FAM169A: variants seen among roughly 807,000 people sequenced by gnomAD.
FAM169A encodes the protein soluble lamin-associated protein of 75 kDa.
A neutral mutation model predicts 75.7 loss-of-function variants in FAM169A; 24 were observed. The observed-to-expected ratio is 0.32, with a 90% confidence interval of 0.23 to 0.45. The LOEUF (loss-of-function observed/expected upper bound fraction) is 0.45, where lower values mean the gene tolerates loss of function less well. Among genes scored for constraint, FAM169A ranks in the 20% least tolerant of loss-of-function variants. The probability of loss-of-function intolerance (pLI) is 1.00; values close to 1 mark genes in which losing one functional copy is unlikely to be tolerated. For missense variants in FAM169A, 673 were observed against 784.0 expected (o/e 0.86, Z 1.69); for synonymous variants, 271 against 271.0 (o/e 1.00, Z 0.00).
intron 1 of FAM169A, among the ~76,000 whole-genome samples, chr5:74,850,168 C>T (rs895076218): frequency 6.6e-6 from 1 of 152,088 alleles, no homozygotes; most frequent in African/African-American, 2.4e-5. Context: ...TTCACTTGGC[C>T]GAAAAGGAAA....
At chr5:74,839,338 T>G (rs1021479077) in intron 3 of FAM169A, among the ~76,000 whole-genome samples, 9 of 151,624 alleles carry the variant, frequency 5.9e-5, no homozygotes, top group African/African-American at 1.9e-4. Flanking sequence ...TGGGTCAGGG[T>G]GGGGGGGTCC....
chr5:74,847,872 TA>T (rs1045514972), intron 1 of FAM169A, among the ~76,000 whole-genome samples: 2 of 152,222 alleles, frequency 1.3e-5, no homozygotes, highest in Non-Finnish European at 2.9e-5. Context: ...AAATGTTACT[TA>T]AATACAAAAC....
Position 74,852,721 on chromosome 5 carries a change from T to C in FAM169A, c.-3-11042A>G, listed in dbSNP as rs548504170. ...TAACGGCAAATGGTGGTGGAAGTAC[T>C]AGGAAAATAAATTAAGGACAGAACA... is the stretch of plus-strand genomic sequence containing the variant. On this transcript the variant is annotated intron_variant, in intron 1 of 12. Transcript: ENST00000687041. Among the ~76,000 whole-genome samples the C allele has an allele frequency of 1.2e-4, 18 of 150,642 alleles. No individual in the cohort carries two copies. The South Asian group carries it at 2.3e-3, about 19-fold the overall frequency.
chr5:74,783,626 T>C (rs145626766), intron 11 of FAM169A, among the ~76,000 whole-genome samples: 1 of 152,162 alleles, frequency 6.6e-6, no homozygotes, highest in African/African-American at 2.4e-5. Context: ...GAAGTTCAGT[T>C]TGGGTGCTGC....
At chr5:74,806,485 A>G (rs1746889226) in intron 6 of FAM169A, among the ~76,000 whole-genome samples, 1 of 125,346 alleles carries the variant, frequency 8.0e-6, no homozygotes, top group African/African-American at 4.5e-5. Flanking sequence ...GTTCAGATGG[A>G]TTCCTTACAA....
chr5:74,786,524 C>T (rs991158124), intron 11 of FAM169A, among the ~76,000 whole-genome samples: 2 of 152,122 alleles, frequency 1.3e-5, no homozygotes, highest in African/African-American at 4.8e-5. Flanking sequence ...CCTGATACAC[C>T]GCTCGTGAGA....
At chr5:74,832,591 A>G (rs1348882864) in intron 5 of FAM169A, among the ~76,000 whole-genome samples, 2 of 150,020 alleles carry the variant, frequency 1.3e-5, no homozygotes, top group Admixed American at 6.7e-5. Flanking sequence ...CAGTATATAT[A>G]TGAAATATGT....
At position 74,781,463 on chromosome 5, in the gene FAM169A, G is replaced by A; in HGVS notation, c.2010C>T (p.Thr670=). ...KGPAKKKAKL[T] is the part of the protein sequence containing the mutation. ...TATCATCCACTTTCTTCTTCCTTCA[G>A]GTCAGCTTAGCTTTCTTCTTAGCAG... is the stretch of plus-strand genomic sequence containing the variant. The change falls in exon 13 of 13, where the codon ACC becomes ACT. Residue 670 remains threonine, a synonymous_variant. Transcript: ENST00000687041. 1 of 1,611,748 alleles carries A rather than the reference G, an allele frequency of 6.2e-7. No homozygotes were observed. The highest frequency in any genetic ancestry group is 8.5e-7 in the Non-Finnish European group (1 of 1,178,548).
chr5:74,822,279 T>C (rs1747801994), intron 5 of FAM169A, among the ~76,000 whole-genome samples: 2 of 152,200 alleles, frequency 1.3e-5, no homozygotes, highest in Admixed American at 1.3e-4. Context: ...TTAACCACTT[T>C]GACGCAAAGT....
At chr5:74,849,678 T>A (rs575095717) in intron 1 of FAM169A, among the ~76,000 whole-genome samples, 2 of 152,024 alleles carry the variant, frequency 1.3e-5, no homozygotes, top group Admixed American at 1.3e-4. Flanking sequence ...TCTAACATCA[T>A]TTCCTTCCCT....
At chr5:74,807,258 C>T (rs1232644976) in intron 6 of FAM169A, among the ~76,000 whole-genome samples, 1 of 152,170 alleles carries the variant, frequency 6.6e-6, no homozygotes, top group Non-Finnish European at 1.5e-5. Flanking sequence ...CAGTTCAGAA[C>T]ACAGCCTTCA....
intron 8 of FAM169A, among the ~76,000 whole-genome samples, chr5:74,803,136 T>TGTATGATTGACATACAGTG (rs1746674566): frequency 6.6e-6 from 1 of 152,168 alleles, no homozygotes; most frequent in Admixed American, 6.5e-5. Flanking sequence ...TGCTGTCAAC[T>TGTATGATTGACATACAGTG]GTATGATATA....
chr5:74,864,868 A>G (rs980131407), intron 1 of FAM169A, among the ~76,000 whole-genome samples: 1 of 152,246 alleles, frequency 6.6e-6, no homozygotes, highest in Non-Finnish European at 1.5e-5. Flanking sequence ...CTCCAAAACA[A>G]GCAAAACTAA....
At chr5:74,855,254 G>A (rs946214928) in intron 1 of FAM169A, among the ~76,000 whole-genome samples, 10 of 152,124 alleles carry the variant, frequency 6.6e-5, no homozygotes, top group African/African-American at 2.4e-4. Context: ...GGAATGCGGT[G>A]GCACAATCCC....
chr5:74,866,064 G>T (rs1750323244), intron 1 of FAM169A, 101 bp downstream of exon 1: 1 of 575,724 alleles, frequency 1.7e-6, no homozygotes, highest in Non-Finnish European at 2.2e-6. Context: ...CCGCGTCGCC[G>T]CTCGGTGTCC....
At chr5:74,793,612 C>T (rs1431331305) in intron 11 of FAM169A, among the ~76,000 whole-genome samples, 1 of 152,144 alleles carries the variant, frequency 6.6e-6, no homozygotes, top group African/African-American at 2.4e-5. Context: ...ACAGTATACA[C>T]TGCTTGGATG....
chr5:74,818,803 CTA>C (rs58520219), intron 5 of FAM169A, among the ~76,000 whole-genome samples: 1,268 of 121,426 alleles, frequency 0.01, 4 homozygotes, highest in African/African-American at 0.019. Flanking sequence ...CTCTCTCTCT[CTA>C]TATATATATA....
chr5:74,812,572 TC>T (rs1242041746), intron 6 of FAM169A, among the ~76,000 whole-genome samples: 1 of 152,090 alleles, frequency 6.6e-6, no homozygotes, highest in Admixed American at 6.5e-5. Flanking sequence ...ATGCCACCAT[TC>T]CCAGCTTCTT....
chr5:74,822,777 C>T lies in FAM169A; in HGVS notation c.491-8758G>A, dbSNP rs146329000. Among the ~76,000 whole-genome samples the T allele has an allele frequency of 2.0e-5, 3 of 152,252 alleles. No individual in the cohort carries two copies. The East Asian group carries it at 5.8e-4, about 29-fold the overall frequency. ...TACATATGCCTTAGGGACACATATG[C>T]CCATGTCAAAATTGAACTAAAGTAT... On this transcript the variant is annotated intron_variant, in intron 5 of 12. Coordinates refer to ENST00000687041, the MANE Select transcript of FAM169A (RefSeq NM_001376049.1).
Sources: allele counts gnomAD v4.1 joint callset (sites outside exome capture counted in the v4.1 genomes callset), GRCh38; gene constraint gnomAD v4.1.1; transcripts MANE v1.5; gene names NCBI Gene and HGNC (gene_info 2026-07-23, HGNC 2026-07-21).